Variants in KPNB1 observed in about 807,000 individuals in gnomAD.
The protein encoded by KPNB1 is importin subunit beta-1.
In KPNB1, 7 loss-of-function variants were observed where a neutral mutation model predicts 113.0. That is an observed-to-expected ratio of 0.06 (90% CI 0.04 to 0.12). The LOEUF (loss-of-function observed/expected upper bound fraction) is 0.12. Among genes scored for constraint, KPNB1 ranks in the 10% least tolerant of loss-of-function variants. The pLI, the probability that KPNB1 is intolerant of heterozygous loss-of-function variation, is 1.00. For synonymous variants in KPNB1, 363 were observed against 378.6 expected (o/e 0.96, Z 0.48); for missense variants, 400 against 1,054.8 (o/e 0.38, Z 8.60).
chr17:47,649,931 G>C lies in KPNB1; in HGVS notation c.-314G>C, dbSNP rs1054269811. On this transcript the variant is annotated 5_prime_UTR_variant, in exon 1 of 22. Transcript: ENST00000290158. ...TCCCTCCCTCGCTCCCTCCCTGCGC[G>C]CCGCCTCTCACTCACAGCCTCCCTT... 7.9e-7 allele frequency: 1 copy of C among 1,268,836 alleles called. No individual in the cohort carries two copies. The allele number at this position is 1,268,836 out of a possible 1,614,324, so 78.6% of individuals were successfully genotyped here. A position where few individuals can be genotyped will look rare whatever the true frequency, so the allele number is the denominator to read the frequency against.
intron 19 of KPNB1, chr17:47,678,617 T>G: frequency 1.8e-6 from 1 of 547,136 alleles, no homozygotes; most frequent in Non-Finnish European, 3.3e-6. Context: ...TCTTTCTTTT[T>G]TTTGTTTTGA....
Position 47,679,918 on chromosome 17 carries a change from C to T in KPNB1, c.2354-102C>T, listed in dbSNP as rs111483518. On this transcript the variant is annotated intron_variant, in intron 19 of 21. Transcript: ENST00000290158. Reference sequence around the variant, plus strand: ...TTCACCGAGTTAGCCAGGATGGTCTCGATCTTCTGACCTTGTGATCCACCC... The same window carrying T: ...TTCACCGAGTTAGCCAGGATGGTCTTGATCTTCTGACCTTGTGATCCACCC... 4.7e-3 allele frequency: 3,406 copies of T among 717,634 alleles called. 83 individuals are homozygous for T. In the African/African-American group the frequency reaches 0.054, roughly 11 times the overall value. 44.5% of individuals were successfully genotyped at this position (717,634 alleles called of 1,614,324 possible).
intron 7 of KPNB1, among the ~76,000 whole-genome samples, 176 bp downstream of exon 7, chr17:47,663,354 T>C (rs766324858): frequency 6.6e-6 from 1 of 152,124 alleles, no homozygotes; most frequent in Non-Finnish European, 1.5e-5. Context: ...GGTGCTAACT[T>C]TGTGTGGGTA....
In KPNB1 at chr17:47,674,788, T is replaced by TGAGAAATA. The variant is rs2030546533; in HGVS notation, c.1912+7_1912+14dup. ...AGTTAGCACACTGGTGGAAGGTCGG[T>TGAGAAATA]GAGAAATACTGTCTGGTCAGGGAAT... On this transcript the variant is annotated splice_region_variant and intron_variant, in intron 15 of 21. Coordinates refer to ENST00000290158, the MANE Select transcript of KPNB1 (RefSeq NM_002265.6). 3 of 1,604,446 alleles carry TGAGAAATA rather than the reference T, an allele frequency of 1.9e-6. No individual in the cohort carries two copies. In the Admixed American group the frequency reaches 5.2e-5, roughly 28 times the overall value.
intron 3 of KPNB1, among the ~76,000 whole-genome samples, chr17:47,654,554 T>A (rs570490784): frequency 3.9e-5 from 6 of 152,192 alleles, no homozygotes; most frequent in Non-Finnish European, 8.8e-5. Flanking sequence ...TCACTGTTGG[T>A]GATCTTTTTT....
intron 5 of KPNB1, among the ~76,000 whole-genome samples, chr17:47,660,792 A>G (rs1482409571): frequency 6.6e-6 from 1 of 152,148 alleles, no homozygotes; most frequent in East Asian, 1.9e-4. Flanking sequence ...CCTACATGTA[A>G]ATTTTTATCT....
At chr17:47,653,433 G>A (rs1915635383) in intron 3 of KPNB1, among the ~76,000 whole-genome samples, 1 of 151,950 alleles carries the variant, frequency 6.6e-6, no homozygotes, top group Non-Finnish European at 1.5e-5. Flanking sequence ...GTAGAGACGG[G>A]GTTTCACCAT....
chr17:47,678,013 A>C, intron 17 of KPNB1, 33 bp from the exon 18 acceptor site: 1 of 1,599,062 alleles, frequency 6.3e-7, no homozygotes, highest in Non-Finnish European at 8.5e-7. Context: ...ACAAGTTTTG[A>C]CTTAATTCAC....
At chr17:47,672,290 G>C (rs968095739) in intron 12 of KPNB1, among the ~76,000 whole-genome samples, 2 of 140,172 alleles carry the variant, frequency 1.4e-5, no homozygotes, top group Non-Finnish European at 3.1e-5. Context: ...TTGTAGGCCT[G>C]AGCCACTGTG....
intron 3 of KPNB1, among the ~76,000 whole-genome samples, chr17:47,654,685 G>A (rs973632940): frequency 1.8e-4 from 27 of 152,258 alleles, no homozygotes; most frequent in Admixed American, 1.2e-3. Context: ...GTGGACATCC[G>A]TAGTTTCTAA....
At chr17:47,680,724 T>A in intron 21 of KPNB1, 55 bp downstream of exon 21, 1 of 1,555,772 alleles carries the variant, frequency 6.4e-7, no homozygotes, top group South Asian at 1.2e-5. Context: ...GAGGGGGGTA[T>A]GTTTTCTTTA....
chr17:47,680,750 C>G lies in KPNB1; in HGVS notation c.2630+81C>G, dbSNP rs1172610483. On this transcript the variant is annotated intron_variant, in intron 21 of 21. Coordinates refer to ENST00000290158, the MANE Select transcript of KPNB1 (RefSeq NM_002265.6). Reference sequence around the variant, plus strand: ...GTTTTCTTTAGGCCATTCTGGCAAGCACTGCCTTCTGGCATTTTTTTTGTT... The same window carrying G: ...GTTTTCTTTAGGCCATTCTGGCAAGGACTGCCTTCTGGCATTTTTTTTGTT... 3 of 1,378,950 alleles carry G rather than the reference C, an allele frequency of 2.2e-6. No individual in the cohort carries two copies. In the African/African-American group the frequency reaches 4.4e-5, roughly 20 times the overall value. 85.4% of individuals were successfully genotyped at this position (1,378,950 alleles called of 1,614,324 possible). A position where few individuals can be genotyped will look rare whatever the true frequency, so the allele number is the denominator to read the frequency against.
intron 5 of KPNB1, 106 bp downstream of exon 5, chr17:47,658,766 C>T (rs1318259570): frequency 1.1e-6 from 1 of 928,280 alleles, no homozygotes; most frequent in East Asian, 2.5e-5. Flanking sequence ...GAAAGTACCA[C>T]CTACTTAAAA....
At chr17:47,658,317 G>A (rs2029970096) in intron 4 of KPNB1, among the ~76,000 whole-genome samples, 191 bp from the exon 5 acceptor site, 1 of 152,052 alleles carries the variant, frequency 6.6e-6, no homozygotes, top group African/African-American at 2.4e-5. Flanking sequence ...ATTAATAGTT[G>A]GTATACTGTA....
At chr17:47,655,949 C>T (rs543770810) in intron 3 of KPNB1, among the ~76,000 whole-genome samples, 2 of 152,132 alleles carry the variant, frequency 1.3e-5, no homozygotes, top group African/African-American at 2.4e-5. Flanking sequence ...CCTACTTCTC[C>T]GTATTATAGA....
rs75056393 is a variant in KPNB1 at position 47,668,705 on chromosome 17, G to C, written c.1224+295G>C. ...TTGAAGCTTTTTCCTATGTGCATGT[G>C]TGTGCAACAGGCTCTTCCTGTGCAG... On this transcript the variant is annotated intron_variant, in intron 10 of 21. Transcript: ENST00000290158. 4.8e-3 allele frequency among the ~76,000 whole-genome samples: 728 copies of C among 152,240 alleles called. 15 individuals carry two copies. Among genetic ancestry groups the C allele is most frequent in the Admixed American group, 0.027 (411 of 15,296 alleles).
chr17:47,667,709 C>T (rs1221246617), intron 9 of KPNB1, among the ~76,000 whole-genome samples: 1 of 151,844 alleles, frequency 6.6e-6, no homozygotes, highest in Non-Finnish European at 1.5e-5. Context: ...AGGCACGTGC[C>T]ACCACACCCA....
At chr17:47,666,437 T>G (rs11868775) in intron 9 of KPNB1, among the ~76,000 whole-genome samples, 1 of 143,306 alleles carries the variant, frequency 7.0e-6, no homozygotes, top group Non-Finnish European at 1.5e-5. Flanking sequence ...ATATATATAT[T>G]ATATATTTTA....
intron 20 of KPNB1, 68 bp from the exon 21 acceptor site, chr17:47,680,440 G>A: frequency 6.4e-7 from 1 of 1,550,794 alleles, no homozygotes; most frequent in Non-Finnish European, 8.8e-7. Flanking sequence ...GCACTGGTTT[G>A]GAAGGCTCAA....
Sources: gnomAD v4.1 joint callset for allele counts (sites outside exome capture counted in the v4.1 genomes callset) on GRCh38, gnomAD v4.1.1 for gene constraint, MANE v1.5 for transcripts, NCBI Gene and HGNC (gene_info 2026-07-23, HGNC 2026-07-21) for gene names.